LMNB2: variants seen among roughly 807,000 people sequenced by gnomAD.
The protein encoded by LMNB2 is lamin B2.
In LMNB2, 17 loss-of-function variants were observed where a neutral mutation model predicts 69.3. The ratio of observed to expected loss-of-function variants is 0.25; its 90% confidence interval spans 0.17 to 0.37. The LOEUF (loss-of-function observed/expected upper bound fraction) is 0.37, where lower values mean the gene tolerates loss of function less well. Ranked by LOEUF, LMNB2 falls within the 10% of genes least tolerant of loss-of-function variation. The probability of loss-of-function intolerance (pLI) is 1.00; values close to 1 mark genes in which losing one functional copy is unlikely to be tolerated. For missense variants in LMNB2, 789 were observed against 883.6 expected, an observed-to-expected ratio of 0.89 and a Z score of 1.36; for synonymous variants, 397 against 389.3, an observed-to-expected ratio of 1.02 and a Z score of -0.23.
chr19:2,446,474 C>T (rs1265846820), intron 1 of LMNB2, among the ~76,000 whole-genome samples: 1 of 152,214 alleles, frequency 6.6e-6, no homozygotes, highest in Non-Finnish European at 1.5e-5. Flanking sequence ...GCTGCAACCA[C>T]AGCCGCCACC....
chr19:2,438,457 C>T lies in LMNB2; in HGVS notation c.476G>A (p.Ser159Asn), dbSNP rs1484699382. ...VKDLESLFHR[S>N]EVELAAALSD... is the part of the protein sequence containing the mutation. ...GAGGGCAGCTGCCAGCTCCACCTCG[C>T]TCCGGTGGAACAGGGACTCCAGGTC... Residue 159 changes from serine (S) to asparagine (N), a missense_variant, in exon 3 of 12, where the codon AGC (serine) becomes AAC (asparagine). Ser to Asn is a conservative substitution (Grantham distance 46). This residue lies in a region of LMNB2 where 145 missense variants were observed against 228.9 expected (regional missense o/e 0.63). Transcript: ENST00000325327. 1.2e-6 allele frequency: 2 copies of T among 1,612,300 alleles called. No individual in the cohort carries two copies. Among genetic ancestry groups the T allele is most frequent in the Admixed American group, 1.7e-5 (1 of 59,978 alleles).
rs781729977 is a variant in LMNB2, at chr19:2,434,093, G to C, written c.1215C>G (p.Ser405=). Residue 405 remains serine (S), a synonymous_variant, in exon 8 of 12, where the codon TCC becomes TCG. Coordinates refer to ENST00000325327, the MANE Select transcript of LMNB2 (RefSeq NM_032737.4). ...CGGTGACGCGCGAGGATGGGCTGGGGGACAGCTTCAGCCTGTGGGGAAGGC... is the reference window on the plus strand; with the variant it reads ...CGGTGACGCGCGAGGATGGGCTGGGCGACAGCTTCAGCCTGTGGGGAAGGC... The part of the protein sequence containing the change: ...LEGEEERLKL[S]PSPSSRVTVS... 6.3e-6 allele frequency: 10 copies of C among 1,589,016 alleles called. 1 individual carries two copies. Among genetic ancestry groups the C allele is most frequent in the Middle Eastern group, 1.8e-4 (1 of 5,580 alleles).
intron 1 of LMNB2, among the ~76,000 whole-genome samples, chr19:2,454,842 A>G (rs896238242): frequency 7.2e-5 from 11 of 152,068 alleles, no homozygotes; most frequent in Non-Finnish European, 1.5e-4. Flanking sequence ...CCCCAGGGTT[A>G]GGTTGGGGGG....
chr19:2,431,427 C>T, intron 11 of LMNB2, 121 bp downstream of exon 11: 1 of 1,302,828 alleles, frequency 7.7e-7, no homozygotes, highest in Non-Finnish European at 1.1e-6. Flanking sequence ...TCACCCTGAG[C>T]CACGGCAGCC....
chr19:2,454,837 G>A (rs1389924552), intron 1 of LMNB2, among the ~76,000 whole-genome samples: 1 of 152,090 alleles, frequency 6.6e-6, no homozygotes, highest in Admixed American at 6.5e-5. Context: ...AGCCTCCCCA[G>A]GGTTAGGTTG....
rs980247522 is a variant in LMNB2, at chr19:2,434,767, C to G, written c.981+21G>C. 1.9e-6 allele frequency: 3 copies of G among 1,594,444 alleles called. No individual in the cohort carries two copies. The Admixed American group carries it at 5.2e-5, about 28-fold the overall frequency. ...GAAGTTGGGCCAGGGGGACGGCAGACGGTGGCGCTGTGCTCATCACCTGCT... is the reference window on the plus strand; with the variant it reads ...GAAGTTGGGCCAGGGGGACGGCAGAGGGTGGCGCTGTGCTCATCACCTGCT... On this transcript the variant is annotated intron_variant, in intron 6 of 11. Transcript: ENST00000325327.
At chr19:2,438,603 G>A (rs773692922) in intron 2 of LMNB2, 72 bp from the exon 3 acceptor site, 183 of 1,549,724 alleles carry the variant, frequency 1.2e-4, no homozygotes, top group Non-Finnish European at 1.5e-4. Flanking sequence ...CTCAGGGGGC[G>A]TCAGGCAAGC....
Position 2,451,253 on chromosome 19 carries a change from C to T in LMNB2, c.264+5417G>A, listed in dbSNP as rs114160299. Among the ~76,000 whole-genome samples the T allele has an allele frequency of 8.3e-4, 127 of 152,196 alleles. 1 individual carries two copies. The highest frequency in any genetic ancestry group is 2.8e-3 in the African/African-American group (118 of 41,548). ...AACGAGACTGTCTCAAAAACAAAAA[C>T]GATAAAGGCCAGGGGGGAAGATGAA... On this transcript the variant is annotated intron_variant, in intron 1 of 11. Coordinates refer to ENST00000325327, the MANE Select transcript of LMNB2 (RefSeq NM_032737.4).
In LMNB2 at chr19:2,443,684, G is replaced by A. The variant is rs1599337748; in HGVS notation, c.401+720C>T. ...CCACACGCAGGGCACCAGAGACCTC[G>A]CTCTAGCTGGAGCCTCACATCAAGA... On this transcript the variant is annotated intron_variant, in intron 2 of 11. Coordinates refer to ENST00000325327, the MANE Select transcript of LMNB2 (RefSeq NM_032737.4). This position sits in a 1 kb window ranked among gnomAD's most constrained non-coding sequence, Gnocchi z 6.2. Among the ~76,000 whole-genome samples, 2 of 152,306 alleles carry A rather than the reference G, an allele frequency of 1.3e-5. No individual in the cohort carries two copies. The highest frequency in any genetic ancestry group is 2.1e-4 in the South Asian group (1 of 4,824).
intron 2 of LMNB2, among the ~76,000 whole-genome samples, chr19:2,442,043 T>A (rs2083799876): frequency 6.6e-6 from 1 of 152,212 alleles, no homozygotes; most frequent in African/African-American, 2.4e-5. Flanking sequence ...CGCCAGGTGC[T>A]GAGTTAGAAT....
At chr19:2,446,140 C>A (rs1971953062) in intron 1 of LMNB2, among the ~76,000 whole-genome samples, 2 of 55,084 alleles carry the variant, frequency 3.6e-5, no homozygotes, top group Admixed American at 3.2e-4. Flanking sequence ...CCCAGCTGCC[C>A]CCCCCACCAG....
intron 1 of LMNB2, among the ~76,000 whole-genome samples, chr19:2,455,049 C>T (rs1327196652): frequency 1.3e-5 from 2 of 152,062 alleles, no homozygotes; most frequent in African/African-American, 4.8e-5. Context: ...GCCAGACCAC[C>T]GCTGACACCA....
intron 4 of LMNB2, 36 bp downstream of exon 4, chr19:2,438,127 C>T (rs765999681): frequency 5.6e-6 from 9 of 1,612,052 alleles, no homozygotes; most frequent in African/African-American, 2.7e-5. Flanking sequence ...TTTGCGTTTC[C>T]GCTGTGCCAG....
At chr19:2,441,642 T>C (rs1343613514) in intron 2 of LMNB2, among the ~76,000 whole-genome samples, 1 of 152,092 alleles carries the variant, frequency 6.6e-6, no homozygotes. Context: ...ACACCAGAGG[T>C]GCATCTAGAA....
chr19:2,448,716 C>A lies in LMNB2; in HGVS notation c.265-4176G>T, dbSNP rs1048044743. On this transcript the variant is annotated intron_variant, in intron 1 of 11. Transcript: ENST00000325327. ...CAAAAAAATTAGCCGGGCATGGTGG[C>A]GTGCACCTGTAATACCAGCTACTCA... Among the ~76,000 whole-genome samples, 72 of 152,084 alleles carry A rather than the reference C, an allele frequency of 4.7e-4. 1 individual carries two copies. Among genetic ancestry groups the A allele is most frequent in the Non-Finnish European group, 1.5e-5 (1 of 68,014 alleles).
At chr19:2,434,202 C>G in intron 7 of LMNB2, 93 bp downstream of exon 7, 1 of 1,543,480 alleles carries the variant, frequency 6.5e-7, no homozygotes, top group South Asian at 1.2e-5. Context: ...ACCTCCACCC[C>G]TGCCCAGCAC....
chr19:2,444,343 C>A, intron 2 of LMNB2, 61 bp downstream of exon 2: 1 of 1,601,324 alleles, frequency 6.2e-7, no homozygotes. Context: ...CGCCCACCTG[C>A]CCCCGTCCAC....
chr19:2,449,921 C>CA lies in LMNB2; in HGVS notation c.265-5382dup, dbSNP rs1972000820. The stretch of plus-strand genomic sequence containing the variant: ...AGAAACCCTGTCTCTACTAAAAATA[C>CA]AGAATTAGCCGGGCATGGTGGTGTA... On this transcript the variant is annotated intron_variant, in intron 1 of 11. Coordinates refer to ENST00000325327, the MANE Select transcript of LMNB2 (RefSeq NM_032737.4). 5.9e-5 allele frequency among the ~76,000 whole-genome samples: 9 copies of CA among 151,598 alleles called. No homozygotes were observed. In the South Asian group the frequency reaches 8.4e-4, roughly 14 times the overall value.
chr19:2,451,928 G>A (rs1972026486), intron 1 of LMNB2, among the ~76,000 whole-genome samples: 1 of 151,678 alleles, frequency 6.6e-6, no homozygotes, highest in Non-Finnish European at 1.5e-5. Flanking sequence ...AGGGGACACC[G>A]GGGCAGGGGA....
Sources: allele counts gnomAD v4.1 joint callset (sites outside exome capture counted in the v4.1 genomes callset), GRCh38; gene constraint gnomAD v4.1.1; regional missense constraint gnomAD v4.1.1; non-coding constraint Gnocchi (gnomAD v3.1); transcripts MANE v1.5; gene names NCBI Gene and HGNC (gene_info 2026-07-23, HGNC 2026-07-21).